Variants in MLLT3 observed in about 807,000 individuals in gnomAD.
MLLT3 encodes MLLT3 super elongation complex subunit.
Under a neutral mutation model 53.2 loss-of-function variants are expected in MLLT3, and 4 were observed. The ratio of observed to expected loss-of-function variants is 0.08; its 90% CI spans 0.04 to 0.17. MLLT3 has a LOEUF of 0.17. Among genes scored for constraint, MLLT3 ranks in the 10% least tolerant of loss-of-function variants. The pLI, the probability that MLLT3 is intolerant of heterozygous loss-of-function variation, is 1.00. For missense variants in MLLT3, 569 were observed against 684.0 expected, an observed-to-expected ratio of 0.83 and a Z score of 1.87; for synonymous variants, 283 against 230.6, an observed-to-expected ratio of 1.23 and a Z score of -2.06.
In MLLT3 at chr9:20,448,060, G is replaced by GTTTTTTTTTTTTTTT; in HGVS notation, c.420+62_420+63insAAAAAAAAAAAAAAA. On this transcript the variant is annotated intron_variant, in intron 4 of 10. Transcript: ENST00000380338. This position sits in a 1 kb window ranked among gnomAD's most constrained non-coding sequence, Gnocchi z 4.0. ...TAACACATGAGGAACTAGTTTGTTT[G>GTTTTTTTTTTTTTTT]TTTTTTTTTTTGTTGTTGTTGTTTT... 1 of 1,205,060 alleles carries GTTTTTTTTTTTTTTT rather than the reference G, an allele frequency of 8.3e-7. No homozygotes were observed. 74.6% of individuals were successfully genotyped at this position (1,205,060 alleles called of 1,614,324 possible). A position where few individuals can be genotyped will look rare whatever the true frequency, so the allele number is the denominator to read the frequency against.
intron 9 of MLLT3, among the ~76,000 whole-genome samples, 156 bp from the exon 10 acceptor site, chr9:20,353,752 T>G (rs1821095202): frequency 6.6e-6 from 1 of 152,234 alleles, no homozygotes; most frequent in Non-Finnish European, 1.5e-5. Context: ...CCCAAAGGCC[T>G]CTGCAGAACA....
At chr9:20,533,603 AC>A (rs1207966995) in intron 2 of MLLT3, among the ~76,000 whole-genome samples, 1 of 152,172 alleles carries the variant, frequency 6.6e-6, no homozygotes, top group Non-Finnish European at 1.5e-5. Context: ...AGATATCTGC[AC>A]CCCCATGTTC....
At chr9:20,614,382 G>A (rs1161602806) in intron 2 of MLLT3, among the ~76,000 whole-genome samples, 1 of 133,562 alleles carries the variant, frequency 7.5e-6, no homozygotes, top group Non-Finnish European at 1.6e-5. Context: ...TGACAAGAGG[G>A]AAACCCTGTC....
intron 5 of MLLT3, among the ~76,000 whole-genome samples, chr9:20,374,111 A>C: frequency 6.6e-6 from 1 of 152,174 alleles, no homozygotes. Context: ...AGCTAGGTGC[A>C]GCGGCACATG....
intron 5 of MLLT3, among the ~76,000 whole-genome samples, chr9:20,387,091 T>C (rs1446890077): frequency 1.3e-5 from 2 of 152,222 alleles, no homozygotes; most frequent in African/African-American, 4.8e-5. Flanking sequence ...GGATCCTCTA[T>C]AGCAAGAGTT....
chr9:20,581,257 C>A (rs1190610249), intron 2 of MLLT3, among the ~76,000 whole-genome samples: 1 of 152,060 alleles, frequency 6.6e-6, no homozygotes. Context: ...ATTTTAGGAT[C>A]ATTTATGGTA....
chr9:20,439,359 A>C (rs1321837242), intron 4 of MLLT3, among the ~76,000 whole-genome samples: 1 of 152,018 alleles, frequency 6.6e-6, no homozygotes, highest in Non-Finnish European at 1.5e-5. Context: ...CCATCTCAAA[A>C]ACAAAAACAA....
At chr9:20,495,901 T>C (rs1825069752) in intron 2 of MLLT3, among the ~76,000 whole-genome samples, 1 of 152,226 alleles carries the variant, frequency 6.6e-6, no homozygotes, top group Admixed American at 6.5e-5. Context: ...AGACAGTCAA[T>C]GTTATACCTG....
intron 10 of MLLT3, among the ~76,000 whole-genome samples, chr9:20,350,581 C>A (rs965106210): frequency 7.8e-6 from 1 of 127,390 alleles, no homozygotes; most frequent in Middle Eastern, 3.6e-3. Context: ...GGCGACAGAG[C>A]GAGACTCCGT....
In MLLT3 at chr9:20,428,782, C is replaced by T. The variant is rs543149623; in HGVS notation, c.421-14357G>A. Among the ~76,000 whole-genome samples the T allele has an allele frequency of 1.3e-4, 20 of 152,080 alleles. No individual in the cohort carries two copies. In the East Asian group the frequency reaches 3.7e-3, roughly 28 times the overall value. ...AAACAAAGGAGAGAAAGCGTAAATA[C>T]AGCATAGGAAGAAAAAAATAAGAAA... On this transcript the variant is annotated intron_variant, in intron 4 of 10. Coordinates refer to ENST00000380338, the MANE Select transcript of MLLT3 (RefSeq NM_004529.4).
At chr9:20,613,789 G>A (rs896925024) in intron 2 of MLLT3, among the ~76,000 whole-genome samples, 6 of 151,864 alleles carry the variant, frequency 4.0e-5, no homozygotes, top group Non-Finnish European at 2.9e-5. Flanking sequence ...ATATGCCTGA[G>A]GAAATATAAA....
chr9:20,495,511 T>A (rs569000508), intron 2 of MLLT3, among the ~76,000 whole-genome samples: 2 of 152,262 alleles, frequency 1.3e-5, no homozygotes, highest in African/African-American at 4.8e-5. Context: ...TTCCTAGAGA[T>A]TACTGGTAAA....
rs558609832 is a variant in MLLT3, at chr9:20,468,936, C to A, written c.194-12150G>T. Among the ~76,000 whole-genome samples, 4 of 152,250 alleles carry A rather than the reference C, an allele frequency of 2.6e-5. No individual in the cohort carries two copies. In the South Asian group the frequency reaches 6.2e-4, roughly 24 times the overall value. On this transcript the variant is annotated intron_variant, in intron 2 of 10. Transcript: ENST00000380338. ...CAACAAAAACGAAGGGATTTAAAAT[C>A]ACACTTGAATTGTTTTAAATATATT... is the stretch of plus-strand genomic sequence containing the variant.
chr9:20,499,864 A>C (rs979041590), intron 2 of MLLT3, among the ~76,000 whole-genome samples: 1 of 152,102 alleles, frequency 6.6e-6, no homozygotes, highest in African/African-American at 2.4e-5. Context: ...TAGGGCTTTG[A>C]ATCCAGCCTG....
intron 2 of MLLT3, among the ~76,000 whole-genome samples, chr9:20,459,563 T>C (rs1040375593): frequency 1.3e-5 from 2 of 152,192 alleles, no homozygotes; most frequent in African/African-American, 2.4e-5. Context: ...CATTGGAAGG[T>C]AGTTTATTTT....
intron 5 of MLLT3, among the ~76,000 whole-genome samples, chr9:20,394,059 T>G (rs1174080629): frequency 1.3e-5 from 2 of 152,176 alleles, no homozygotes; most frequent in Admixed American, 6.5e-5. Context: ...CATCCCTGAT[T>G]CTGATTCTTT....
chr9:20,544,951 C>T (rs1460656016), intron 2 of MLLT3, among the ~76,000 whole-genome samples: 1 of 151,818 alleles, frequency 6.6e-6, no homozygotes, highest in African/African-American at 2.4e-5. Context: ...AACGTGGTGG[C>T]GCACATCTGT....
In MLLT3 at chr9:20,547,167, A is replaced by C. The variant is rs192821491; in HGVS notation, c.193+73487T>G. ...AGTTCCACTTTGTAGTGAATATTAA[A>C]AATTGAGATATGTTATATTCTTGTA... is the stretch of plus-strand genomic sequence containing the variant. On this transcript the variant is annotated intron_variant, in intron 2 of 10. Coordinates refer to ENST00000380338, the MANE Select transcript of MLLT3 (RefSeq NM_004529.4). Among the ~76,000 whole-genome samples the C allele has an allele frequency of 6.6e-5, 10 of 152,232 alleles. No individual in the cohort carries two copies. In the East Asian group the frequency reaches 1.7e-3, roughly 27 times the overall value.
intron 7 of MLLT3, chr9:20,362,809 A>G (rs747281157): frequency 6.8e-6 from 1 of 146,968 alleles, no homozygotes; most frequent in African/African-American, 2.6e-5. Flanking sequence ...TGGATTTTAA[A>G]TTCAAGTAGA....
Sources: allele counts gnomAD v4.1 joint callset (sites outside exome capture counted in the v4.1 genomes callset), GRCh38; gene constraint gnomAD v4.1.1; non-coding constraint Gnocchi (gnomAD v3.1); transcripts MANE v1.5; gene names NCBI Gene and HGNC (gene_info 2026-07-23, HGNC 2026-07-21).